C1QTNF2: variants seen among roughly 807,000 people sequenced by gnomAD.
The protein encoded by C1QTNF2 is C1q and TNF related 2, also known as complement C1q tumor necrosis factor-related protein 2.
A neutral mutation model predicts 17.4 loss-of-function variants in C1QTNF2; 15 were observed. The observed-to-expected ratio is 0.86, with a 90% CI of 0.58 to 1.33. The LOEUF is 1.33. Among genes scored for constraint, C1QTNF2 ranks in the 40% most tolerant of loss-of-function variants. The pLI, the probability that C1QTNF2 is intolerant of heterozygous loss-of-function variation, is 0.00. For missense variants in C1QTNF2, 381 were observed against 392.3 expected (o/e 0.97, Z 0.24); for synonymous variants, 154 against 163.3 (o/e 0.94, Z 0.44).
At chr5:160,352,238 G>T (rs1033048529) in intron 2 of C1QTNF2, among the ~76,000 whole-genome samples, 49 of 152,094 alleles carry the variant, frequency 3.2e-4, no homozygotes, top group African/African-American at 1.2e-3. Context: ...GTTTTTGGCG[G>T]GAGACAAATA....
intron 1 of C1QTNF2, among the ~76,000 whole-genome samples, chr5:160,357,832 TGGCAGAAAAGAGAGCCAGCC>T (rs1764079237): frequency 8.1e-6 from 1 of 123,688 alleles, no homozygotes; most frequent in East Asian, 2.4e-4. Context: ...GGAGAGAGAC[TGGCAGAAAAGAGAGCCAGCC>T]GGACGAGAGA....
Position 160,364,002 on chromosome 5 carries a change from A to G in C1QTNF2, c.-10+6510T>C, listed in dbSNP as rs372627653. 3.9e-5 allele frequency among the ~76,000 whole-genome samples: 6 copies of G among 152,344 alleles called. No homozygotes were observed. In the East Asian group the frequency reaches 7.7e-4, roughly 20 times the overall value. On this transcript the variant is annotated intron_variant, in intron 1 of 2. Coordinates refer to ENST00000652664, the MANE Select transcript of C1QTNF2 (RefSeq NM_031908.6). ...CCAATAGGAAAATGACGCAAGTCAC[A>G]TGTGTCAGTTTGTCTTGTAGTCACA...
chr5:160,368,519 G>A (rs1219224245), intron 1 of C1QTNF2, among the ~76,000 whole-genome samples: 6 of 143,850 alleles, frequency 4.2e-5, no homozygotes, highest in African/African-American at 1.6e-4. Context: ...GCAACAGAGC[G>A]AGACTCCTTC....
intron 2 of C1QTNF2, among the ~76,000 whole-genome samples, chr5:160,350,111 G>T: frequency 6.6e-6 from 1 of 152,192 alleles, no homozygotes; most frequent in East Asian, 1.9e-4. Context: ...GTAATGGGTT[G>T]AGAAGAGAAC....
In C1QTNF2 at chr5:160,354,837, G is replaced by A. The variant is rs144600396; in HGVS notation, c.175C>T (p.Arg59Ter). 112 of 1,613,088 alleles carry A rather than the reference G, an allele frequency of 6.9e-5. No individual in the cohort carries two copies. The highest frequency in any genetic ancestry group is 2.8e-4 in the South Asian group (25 of 90,770). Residue 59 changes from arginine (R) to a stop codon, truncating the protein, a stop_gained, in exon 2 of 3, where the codon CGA (arginine) becomes TGA (stop). Transcript: ENST00000652664. LOFTEE classifies it high-confidence loss of function. ...CCGTCTTTGCCAGGAAAGCCCATTC[G>A]TCCCATCATTCCTGAGGGCCCTGGG... is the stretch of plus-strand genomic sequence containing the variant. ...GAPGPSGMMGRMGFPGKDGQD... is the reference protein window; with the variant it reads ...GAPGPSGMMG
chr5:160,352,719 A>G (rs573349956), intron 2 of C1QTNF2, among the ~76,000 whole-genome samples: 16 of 152,338 alleles, frequency 1.1e-4, no homozygotes, highest in African/African-American at 3.8e-4. Context: ...ATATCATGAT[A>G]CCAGTGCCCA....
intron 1 of C1QTNF2, among the ~76,000 whole-genome samples, chr5:160,367,255 C>T (rs190933047): frequency 8.5e-5 from 13 of 152,140 alleles, no homozygotes; most frequent in African/African-American, 2.9e-4. Context: ...CTGTTAACAT[C>T]GACGTTTGCA....
Position 160,349,096 on chromosome 5 carries a change from A to T in C1QTNF2, c.*72T>A, listed in dbSNP as rs1763855661. On this transcript the variant is annotated 3_prime_UTR_variant, in exon 3 of 3. Transcript: ENST00000652664. This position sits in a 1 kb window ranked among gnomAD's most constrained non-coding sequence, Gnocchi z 4.3. ...ACTCGACCCCCCACCCCCAGCCTAC[A>T]GTTGTGGGGTCTTGCTCTGTAAGCC... The T allele has an allele frequency of 1.3e-6, 2 of 1,520,244 alleles. No individual in the cohort carries two copies. The highest frequency in any genetic ancestry group is 4.2e-5 in the Admixed American group (2 of 47,442). The allele number at this position is 1,520,244 out of a possible 1,614,324, so 94.2% of individuals were successfully genotyped here. A position where few individuals can be genotyped will look rare whatever the true frequency, so the allele number is the denominator to read the frequency against.
chr5:160,361,460 A>G (rs1400093758), intron 1 of C1QTNF2, among the ~76,000 whole-genome samples: 2 of 152,210 alleles, frequency 1.3e-5, no homozygotes, highest in Non-Finnish European at 2.9e-5. Context: ...GAAGATGTAA[A>G]TTATGCTCAA....
rs369887111 is a variant in C1QTNF2 at position 160,354,941 on chromosome 5, C to A, written c.71G>T (p.Arg24Leu). The A allele has an allele frequency of 3.3e-5, 52 of 1,595,230 alleles. No homozygotes were observed. The highest frequency in any genetic ancestry group is 4.5e-5 in the South Asian group (4 of 87,996). Reference protein sequence around the residue: ...AADPLLGAFARRDFRKGSPQL... With the variant: ...AADPLLGAFALRDFRKGSPQL... ...AGGGGAGCCTTTCCGGAAGTCCCTG[C>A]GAGCAAAGGCGCCAAGCAGTGGGTC... The change falls in exon 2 of 3, where the codon CGC becomes CTC. Residue 24 changes from arginine to leucine, a missense_variant. Transcript: ENST00000652664.
chr5:160,352,294 G>A (rs1407424876), intron 2 of C1QTNF2, among the ~76,000 whole-genome samples: 1 of 152,174 alleles, frequency 6.6e-6, no homozygotes, highest in East Asian at 1.9e-4. Context: ...TATATAATGT[G>A]CTTTCCTCTT....
Position 160,349,809 on chromosome 5 carries a change from G to A in C1QTNF2, c.245-28C>T. On this transcript the variant is annotated intron_variant, in intron 2 of 2. Coordinates refer to ENST00000652664, the MANE Select transcript of C1QTNF2 (RefSeq NM_031908.6). This position sits in a 1 kb window ranked among gnomAD's most constrained non-coding sequence, Gnocchi z 4.3. ...GGAAGACAGAGCAGCTGGTGTTATG[G>A]AGGGTCCTCACAGACCTAGGCAGAG... 2.0e-6 allele frequency: 3 copies of A among 1,510,812 alleles called. No individual in the cohort carries two copies. The highest frequency in any genetic ancestry group is 2.7e-5 in the South Asian group (2 of 75,378). The allele number at this position is 1,510,812 out of a possible 1,614,324, so 93.6% of individuals were successfully genotyped here.
At chr5:160,365,284 G>A (rs967462482) in intron 1 of C1QTNF2, among the ~76,000 whole-genome samples, 2 of 152,220 alleles carry the variant, frequency 1.3e-5, no homozygotes, top group Non-Finnish European at 2.9e-5. Flanking sequence ...AACTGAGGGA[G>A]AGAAACAGAA....
At chr5:160,358,971 G>A (rs1764100809) in intron 1 of C1QTNF2, among the ~76,000 whole-genome samples, 1 of 152,022 alleles carries the variant, frequency 6.6e-6, no homozygotes, top group African/African-American at 2.4e-5. Context: ...TGTAGAGATG[G>A]GGTCTTGCCA....
chr5:160,359,382 A>C (rs1764109738), intron 1 of C1QTNF2, among the ~76,000 whole-genome samples: 1 of 152,158 alleles, frequency 6.6e-6, no homozygotes, highest in Admixed American at 6.5e-5. Flanking sequence ...GGCAGAAGTT[A>C]TATTTGAACT....
In C1QTNF2 at chr5:160,349,095, C is replaced by G. The variant is rs1763855612; in HGVS notation, c.*73G>C. On this transcript the variant is annotated 3_prime_UTR_variant, in exon 3 of 3. Transcript: ENST00000652664. This position sits in a 1 kb window ranked among gnomAD's most constrained non-coding sequence, Gnocchi z 4.3. ...CACTCGACCCCCCACCCCCAGCCTACAGTTGTGGGGTCTTGCTCTGTAAGC... is the reference window on the plus strand; with the variant it reads ...CACTCGACCCCCCACCCCCAGCCTAGAGTTGTGGGGTCTTGCTCTGTAAGC... 2.0e-6 allele frequency: 3 copies of G among 1,519,456 alleles called. No homozygotes were observed. The highest frequency in any genetic ancestry group is 2.6e-6 in the Non-Finnish European group (3 of 1,132,236). The allele number at this position is 1,519,456 out of a possible 1,614,324, so 94.1% of individuals were successfully genotyped here.
chr5:160,349,658 G>C lies in C1QTNF2; in HGVS notation c.368C>G (p.Pro123Arg). 1 of 1,613,560 alleles carries C rather than the reference G, an allele frequency of 6.2e-7. No homozygotes were observed. Among genetic ancestry groups the C allele is most frequent in the Non-Finnish European group, 8.5e-7 (1 of 1,179,934 alleles). ...CTTGCCCTTGGGCCCCTTCTTGCCT[G>C]GTGTGCCATGCTTCCCGGGGGTACC... ...VNGTPGKHGT[P>R]GKKGPKGKKG... Residue 123 changes from proline (P) to arginine (R), a missense_variant, in exon 3 of 3, where the codon CCA (proline) becomes CGA (arginine). Coordinates refer to ENST00000652664, the MANE Select transcript of C1QTNF2 (RefSeq NM_031908.6). The surrounding 1 kb of genome is among the most constrained non-coding windows in gnomAD (Gnocchi z 4.3).
chr5:160,353,788 C>G (rs79650457), intron 2 of C1QTNF2, among the ~76,000 whole-genome samples: 1 of 85,976 alleles, frequency 1.2e-5, no homozygotes, highest in Non-Finnish European at 2.1e-5. Flanking sequence ...ACTTCTCAGG[C>G]TTTTTTTTTT....
intron 1 of C1QTNF2, among the ~76,000 whole-genome samples, chr5:160,368,304 C>T (rs183628260): frequency 2.9e-3 from 445 of 152,138 alleles, no homozygotes; most frequent in Non-Finnish European, 5.4e-3. Flanking sequence ...GAGGCCGAGG[C>T]GGGCGGATCA....
Sources: allele counts gnomAD v4.1 joint callset (sites outside exome capture counted in the v4.1 genomes callset), GRCh38; gene constraint gnomAD v4.1.1; non-coding constraint Gnocchi (gnomAD v3.1); transcripts MANE v1.5; gene names NCBI Gene and HGNC (gene_info 2026-07-23, HGNC 2026-07-21).